The following TRAF5 variants were observed in gnomAD, a reference collection of about 807,000 sequenced individuals.
The protein encoded by TRAF5 is TNF receptor associated factor 5.
In TRAF5, 48 loss-of-function variants were observed where a neutral mutation model predicts 64.5. The ratio of observed to expected loss-of-function variants is 0.74; its 90% CI spans 0.59 to 0.95. The LOEUF (loss-of-function observed/expected upper bound fraction) is 0.95. Ranked by LOEUF, TRAF5 falls within the 40% of genes least tolerant of loss-of-function variation. The pLI is 0.00. For synonymous variants in TRAF5, 206 were observed against 240.5 expected (o/e 0.86, Z 1.33); for missense variants, 545 against 662.8 (o/e 0.82, Z 1.95).
At chr1:211,330,834 G>T (rs1702138185) in intron 1 of TRAF5, among the ~76,000 whole-genome samples, 1 of 152,146 alleles carries the variant, frequency 6.6e-6, no homozygotes, top group African/African-American at 2.4e-5. Flanking sequence ...CAGGTATGGG[G>T]CCAAGGCTGG....
chr1:211,353,616 T>C, intron 2 of TRAF5, 159 bp downstream of exon 2: 1 of 676,226 alleles, frequency 1.5e-6, no homozygotes, highest in Non-Finnish European at 2.5e-6. Context: ...TGTGAGGGCC[T>C]GAAGAATAAT....
rs1037141201 is a variant in TRAF5 at position 211,371,286 on chromosome 1, C to T, written c.931-16C>T. 6.4e-6 allele frequency: 10 copies of T among 1,558,182 alleles called. No homozygotes were observed. The highest frequency in any genetic ancestry group is 2.3e-5 in the East Asian group (1 of 43,236). ...AACTAATTTTTTAAACATGATTATC[C>T]ATTTTGTAATGAAAGGTTTTTGCCA... is the stretch of plus-strand genomic sequence containing the variant. On this transcript the variant is annotated splice_polypyrimidine_tract_variant and intron_variant, in intron 9 of 10. Transcript: ENST00000261464.
chr1:211,363,968 C>T (rs976548470), intron 7 of TRAF5, among the ~76,000 whole-genome samples: 1 of 146,278 alleles, frequency 6.8e-6, no homozygotes, highest in Admixed American at 6.8e-5. Flanking sequence ...ATGATCTTTA[C>T]AGTCAGGCCC....
At chr1:211,347,588 C>T (rs189455200) in intron 1 of TRAF5, among the ~76,000 whole-genome samples, 2 of 152,350 alleles carry the variant, frequency 1.3e-5, no homozygotes, top group East Asian at 3.9e-4. Flanking sequence ...TTGAATAGGT[C>T]TGGGAAATAC....
intron 8 of TRAF5, 188 bp downstream of exon 8, chr1:211,365,656 T>A: frequency 2.0e-6 from 1 of 509,304 alleles, no homozygotes; most frequent in South Asian, 3.1e-5. Flanking sequence ...GCCCTTAGGA[T>A]CCTTGGGTCC....
At chr1:211,361,195 T>G in intron 7 of TRAF5, 33 bp downstream of exon 7, 2 of 1,575,822 alleles carry the variant, frequency 1.3e-6, no homozygotes, top group Non-Finnish European at 1.7e-6. Flanking sequence ...TGCCTATACA[T>G]TCTACTGTAT....
At chr1:211,341,498 G>A (rs575920130) in intron 1 of TRAF5, among the ~76,000 whole-genome samples, 1 of 152,338 alleles carries the variant, frequency 6.6e-6, no homozygotes, top group Admixed American at 6.5e-5. Context: ...ATGCCCAGAT[G>A]ATTTGGGCCT....
chr1:211,369,381 C>A (rs1306328092), intron 8 of TRAF5, 71 bp from the exon 9 acceptor site: 15 of 1,280,864 alleles, frequency 1.2e-5, no homozygotes, highest in Non-Finnish European at 1.5e-5. Flanking sequence ...GCTGCAAGTG[C>A]ATGCATATTT....
At chr1:211,333,249 C>T (rs1009774233) in intron 1 of TRAF5, among the ~76,000 whole-genome samples, 2 of 151,990 alleles carry the variant, frequency 1.3e-5, no homozygotes, top group Non-Finnish European at 1.5e-5. Flanking sequence ...AGGGCAGTGG[C>T]GCCAACTCGG....
chr1:211,342,204 C>A (rs1040339682), intron 1 of TRAF5, among the ~76,000 whole-genome samples: 1 of 152,170 alleles, frequency 6.6e-6, no homozygotes, highest in Non-Finnish European at 1.5e-5. Flanking sequence ...ACTTTATTTA[C>A]AAAACATGTG....
At chr1:211,327,560 G>A (rs922271683) in intron 1 of TRAF5, among the ~76,000 whole-genome samples, 2 of 152,080 alleles carry the variant, frequency 1.3e-5, no homozygotes, top group Non-Finnish European at 2.9e-5. Context: ...CGCAGATTCT[G>A]AGTTCTCCGT....
intron 1 of TRAF5, 25 bp from the exon 2 acceptor site, chr1:211,353,214 C>T: frequency 6.2e-7 from 1 of 1,609,574 alleles, no homozygotes. Context: ...ACTTAATTTT[C>T]CCTCTCCTCC....
rs1253502059 is a variant in TRAF5 at position 211,335,462 on chromosome 1, GAC to G, written c.-2+8577_-2+8578del. ...TGCGTCTGCACCTTGAAAAATATAA[GAC>G]ACAATTCCAGCACTGCTTTCTTCGT... is the stretch of plus-strand genomic sequence containing the variant. On this transcript the variant is annotated intron_variant, in intron 1 of 10. Coordinates refer to ENST00000261464, the MANE Select transcript of TRAF5 (RefSeq NM_001033910.3). Among the ~76,000 whole-genome samples the G allele has an allele frequency of 6.6e-5, 10 of 152,296 alleles. No individual in the cohort carries two copies. In the East Asian group the frequency reaches 1.5e-3, roughly 23 times the overall value.
Position 211,372,204 on chromosome 1 carries a change from G to T in TRAF5, c.1176G>T (p.Glu392Asp), listed in dbSNP as rs775885145. The T allele has an allele frequency of 3.7e-6, 6 of 1,613,348 alleles. No homozygotes were observed. The African/African-American group carries it at 8.0e-5, about 22-fold the overall frequency. The change falls in exon 11 of 11, where the codon GAG becomes GAT. Residue 392 changes from glutamate to aspartate, a missense_variant. Physicochemically the swap from Glu to Asp is conservative, Grantham distance 45 (BLOSUM62 2). Transcript: ENST00000261464. ...IHKAQLSKNE[E>D]RFKLLEGTCY... is the part of the protein sequence containing the mutation. ...AAGCACAGCTGAGTAAAAATGAAGA[G>T]CGATTTAAACTGCTGGAGGGTACTT...
intron 1 of TRAF5, among the ~76,000 whole-genome samples, chr1:211,348,784 ATATT>A (rs1473904732): frequency 6.6e-6 from 1 of 152,062 alleles, no homozygotes; most frequent in African/African-American, 2.4e-5. Context: ...TCAGTTGACT[ATATT>A]TATGTGGATC....
intron 1 of TRAF5, among the ~76,000 whole-genome samples, chr1:211,352,707 A>G (rs1277935502): frequency 6.6e-6 from 1 of 152,144 alleles, no homozygotes; most frequent in Non-Finnish European, 1.5e-5. Flanking sequence ...AAGAACAGAA[A>G]TTTATTTCTC....
intron 3 of TRAF5, among the ~76,000 whole-genome samples, chr1:211,355,354 T>G (rs1004605022): frequency 1.3e-5 from 2 of 152,140 alleles, no homozygotes; most frequent in African/African-American, 4.8e-5. Flanking sequence ...TCTTTTTTCT[T>G]TTTTTGGTTG....
chr1:211,327,074 C>G (rs1702034535), intron 1 of TRAF5, among the ~76,000 whole-genome samples, 185 bp downstream of exon 1: 1 of 152,024 alleles, frequency 6.6e-6, no homozygotes, highest in African/African-American at 2.4e-5. Context: ...GCGGAGGGGC[C>G]CGGGCTTGCG....
chr1:211,372,338 G>A lies in TRAF5; in HGVS notation c.1310G>A (p.Arg437His), dbSNP rs145871946. 91 of 1,614,014 alleles carry A rather than the reference G, an allele frequency of 5.6e-5. 2 individuals carry two copies. The African/African-American group carries it at 6.7e-4, about 12-fold the overall frequency. The change falls in exon 11 of 11, where the codon CGC (arginine) becomes CAC (histidine). Residue 437 changes from arginine (R) to histidine (H), a missense_variant. Physicochemically the swap from Arg to His is conservative, Grantham distance 29 (BLOSUM62 0). Coordinates refer to ENST00000261464, the MANE Select transcript of TRAF5 (RefSeq NM_001033910.3). ...TTCAGCCAGTCCTTCTACACCAGCCGCTGTGGCTACCGGCTCTGTGCTAGA... is the reference window on the plus strand; with the variant it reads ...TTCAGCCAGTCCTTCTACACCAGCCACTGTGGCTACCGGCTCTGTGCTAGA... The part of the protein sequence containing the change: ...SIFSQSFYTS[R>H]CGYRLCARAY...
Sources: gnomAD v4.1 joint callset for allele counts (sites outside exome capture counted in the v4.1 genomes callset) on GRCh38, gnomAD v4.1.1 for gene constraint, MANE v1.5 for transcripts, NCBI Gene and HGNC (gene_info 2026-07-23, HGNC 2026-07-21) for gene names.